USP34: variants seen among roughly 807,000 people sequenced by gnomAD.
The protein encoded by USP34 is ubiquitin specific peptidase 34.
Under a neutral mutation model 460.3 loss-of-function variants are expected in USP34, and 70 were observed. The observed-to-expected ratio is 0.15, with a 90% CI of 0.13 to 0.19. The LOEUF (loss-of-function observed/expected upper bound fraction) is 0.19, where lower values mean the gene tolerates loss of function less well. Ranked by LOEUF, USP34 falls within the 10% of genes least tolerant of loss-of-function variation. USP34 has a pLI of 1.00. For missense variants in USP34, 3,985 were observed against 4,236.2 expected (o/e 0.94, Z 1.65); for synonymous variants, 1,647 against 1,405.3 (o/e 1.17, Z -3.85).
At chr2:61,458,061 GC>G (rs1376527798) in intron 1 of USP34, among the ~76,000 whole-genome samples, 1 of 152,066 alleles carries the variant, frequency 6.6e-6, no homozygotes, top group Admixed American at 6.6e-5. Flanking sequence ...CCTACCACAT[GC>G]AGGCACTGTA....
rs1457953133 is a variant in USP34, at chr2:61,188,293, T to C, written c.10450A>G (p.Arg3484Gly). 1.2e-6 allele frequency: 2 copies of C among 1,613,708 alleles called. No individual in the cohort carries two copies. Among genetic ancestry groups the C allele is most frequent in the Non-Finnish European group, 1.7e-6 (2 of 1,180,028 alleles). The change falls in exon 80 of 80, where the codon AGA becomes GGA. Residue 3484 changes from arginine to glycine, a missense_variant. Physicochemically the swap from Arg to Gly is moderately radical, Grantham distance 125. Coordinates refer to ENST00000398571, the MANE Select transcript of USP34 (RefSeq NM_014709.4). ...SAVLSDLADL[R>G]SCDGQALPSQ... ...GGCAAAGCTTGGCCATCACAGCTTCTCAAGTCAGCTAAGTCAGACAGAACT... is the reference window on the plus strand; with the variant it reads ...GGCAAAGCTTGGCCATCACAGCTTCCCAAGTCAGCTAAGTCAGACAGAACT...
Position 61,406,060 on chromosome 2 carries a change from A to G in USP34, c.200T>C (p.Ile67Thr). 6.2e-7 allele frequency: 1 copy of G among 1,613,926 alleles called. No individual in the cohort carries two copies. The highest frequency in any genetic ancestry group is 8.5e-7 in the Non-Finnish European group (1 of 1,179,962). ...TTGAACTTGGGCAATCACTAAGTTA[A>G]TAAGTGCACACACTACTTGATTAAA... Reference protein sequence around the residue: ...EIFNQVVCALINLVIAQVQVL... With the variant: ...EIFNQVVCALTNLVIAQVQVL... The change falls in exon 3 of 80, where the codon ATT (isoleucine) becomes ACT (threonine). Residue 67 changes from isoleucine (I) to threonine (T), a missense_variant. By Grantham distance (89) the Ile-to-Thr change is moderately conservative (BLOSUM62 -1). This residue lies in a region of USP34 where 331 missense variants were observed against 293.7 expected (regional missense o/e 1.13). Transcript: ENST00000398571.
chr2:61,265,334 T>A (rs1257000327), intron 43 of USP34, 63 bp downstream of exon 43: 3 of 1,526,456 alleles, frequency 2.0e-6, no homozygotes, highest in Non-Finnish European at 2.6e-6. Flanking sequence ...GAAATAAAAA[T>A]TTATCAACAA....
intron 73 of USP34, 31 bp from the exon 74 acceptor site, chr2:61,204,411 A>C: frequency 6.2e-7 from 1 of 1,613,662 alleles, no homozygotes; most frequent in Non-Finnish European, 8.5e-7. Context: ...AGTAAGAATA[A>C]ATGGAAAAAA....
intron 21 of USP34, among the ~76,000 whole-genome samples, chr2:61,320,216 C>G (rs1256075732): frequency 6.6e-6 from 1 of 152,192 alleles, no homozygotes; most frequent in Non-Finnish European, 1.5e-5. Flanking sequence ...CTCGCTTATT[C>G]CAGTTCAGGG....
chr2:61,393,507 A>C (rs1402187398), intron 5 of USP34, among the ~76,000 whole-genome samples: 1 of 152,080 alleles, frequency 6.6e-6, no homozygotes, highest in Non-Finnish European at 1.5e-5. Flanking sequence ...AACCTATCAG[A>C]ATGGGTGGAA....
chr2:61,360,638 A>C (rs1193371633), intron 10 of USP34, among the ~76,000 whole-genome samples: 3 of 152,234 alleles, frequency 2.0e-5, no homozygotes, highest in Non-Finnish European at 4.4e-5. Context: ...GAGTCAACGC[A>C]ATCCCTATCA....
At chr2:61,438,911 T>C (rs1288357122) in intron 1 of USP34, among the ~76,000 whole-genome samples, 4 of 152,126 alleles carry the variant, frequency 2.6e-5, no homozygotes, top group Non-Finnish European at 5.9e-5. Flanking sequence ...ACCTTATATA[T>C]AGTAAAACCT....
intron 1 of USP34, among the ~76,000 whole-genome samples, chr2:61,444,559 A>G (rs72815550): frequency 6.6e-6 from 1 of 152,368 alleles, no homozygotes; most frequent in Non-Finnish European, 1.5e-5. Context: ...CTCACATTCA[A>G]GAAGCACTAT....
At chr2:61,441,381 T>C (rs1348395911) in intron 1 of USP34, among the ~76,000 whole-genome samples, 2 of 151,976 alleles carry the variant, frequency 1.3e-5, no homozygotes, top group African/African-American at 4.8e-5. Context: ...GCCCCTGTAA[T>C]GAGAAAGGCA....
chr2:61,465,763 G>A (rs956487047), intron 1 of USP34, among the ~76,000 whole-genome samples: 2 of 151,730 alleles, frequency 1.3e-5, no homozygotes, highest in African/African-American at 4.8e-5. Context: ...GGATCACGAG[G>A]TCAAGAGATC....
At chr2:61,217,705 A>C (rs1169256207) in intron 67 of USP34, among the ~76,000 whole-genome samples, 2 of 152,230 alleles carry the variant, frequency 1.3e-5, no homozygotes, top group Admixed American at 6.5e-5. Flanking sequence ...CCTATAATCC[A>C]GCACTTTGGG....
At chr2:61,311,976 T>G (rs1219079402) in intron 25 of USP34, 66 bp from the exon 26 acceptor site, 2 of 1,564,770 alleles carry the variant, frequency 1.3e-6, no homozygotes, top group East Asian at 4.5e-5. Context: ...GTTACGCAAA[T>G]TTTTATCATC....
intron 59 of USP34, 83 bp downstream of exon 59, chr2:61,229,457 TAAAAAAAA>T (rs57231258): frequency 2.4e-5 from 9 of 380,870 alleles, no homozygotes; most frequent in East Asian, 1.8e-4. Context: ...CCCTATCTCT[TAAAAAAAA>T]AAAAAAAAAA....
chr2:61,290,038 A>C (rs992626857), intron 33 of USP34, among the ~76,000 whole-genome samples: 2 of 152,174 alleles, frequency 1.3e-5, no homozygotes, highest in Non-Finnish European at 2.9e-5. Flanking sequence ...ACCATCTCAC[A>C]ACTATATACT....
chr2:61,422,510 G>C (rs1694392437), intron 1 of USP34, among the ~76,000 whole-genome samples: 1 of 152,180 alleles, frequency 6.6e-6, no homozygotes, highest in Non-Finnish European at 1.5e-5. Flanking sequence ...CAAACACACA[G>C]CTATCATCAT....
At chr2:61,388,455 TTA>T (rs1491430866) in intron 5 of USP34, among the ~76,000 whole-genome samples, 35 of 116,288 alleles carry the variant, frequency 3.0e-4, no homozygotes, top group Admixed American at 3.7e-4. Context: ...ACAGGGGAGT[TTA>T]AAAAAAAAAA....
chr2:61,288,847 T>G lies in USP34; in HGVS notation c.4579A>C (p.Lys1527Gln), dbSNP rs1689767157. Reference sequence around the variant, plus strand: ...TCTACTGCAAACTGGCATATTAACTTCAGCAAGCAAGCAAGACAGTCTAGC... The same window carrying G: ...TCTACTGCAAACTGGCATATTAACTGCAGCAAGCAAGCAAGACAGTCTAGC... The part of the protein sequence containing the change: ...WQLDCLACLL[K>Q]LICQFAVDPS... Residue 1527 changes from lysine to glutamine, a missense_variant, in exon 34 of 80, where the codon AAG (lysine) becomes CAG (glutamine). Coordinates refer to ENST00000398571, the MANE Select transcript of USP34 (RefSeq NM_014709.4). 6.2e-7 allele frequency: 1 copy of G among 1,613,180 alleles called. No individual in the cohort carries two copies. Among genetic ancestry groups the G allele is most frequent in the Non-Finnish European group, 8.5e-7 (1 of 1,179,906 alleles).
At chr2:61,469,201 C>G (rs372539454) in intron 1 of USP34, among the ~76,000 whole-genome samples, 4 of 151,876 alleles carry the variant, frequency 2.6e-5, no homozygotes, top group South Asian at 2.1e-4. Flanking sequence ...GAGCAAAACT[C>G]TGTCTCAAGA....
Sources: gnomAD v4.1 joint callset for allele counts (sites outside exome capture counted in the v4.1 genomes callset) on GRCh38, gnomAD v4.1.1 for gene constraint, gnomAD v4.1.1 regional missense constraint, MANE v1.5 for transcripts, NCBI Gene and HGNC (gene_info 2026-07-23, HGNC 2026-07-21) for gene names.